NES: variants seen among roughly 807,000 people sequenced by gnomAD.
The protein encoded by NES is nestin.
A neutral mutation model predicts 35.6 loss-of-function variants in NES; 27 were observed. The observed-to-expected ratio is 0.76, with a 90% CI of 0.56 to 1.04. The LOEUF is 1.04. Ranked by LOEUF, NES falls within the 50% of genes least tolerant of loss-of-function variation. NES has a pLI of 0.00. For synonymous variants in NES, 822 were observed against 824.2 expected, an observed-to-expected ratio of 1.00 and a Z score of 0.04; for missense variants, 1,867 against 1,983.6, an observed-to-expected ratio of 0.94 and a Z score of 1.12.
rs1255707363 is a variant in NES at position 156,670,228 on chromosome 1, C to T, written c.3960G>A (p.Arg1320=). ...TTCCAGTCTCCCCTTGAGGGGGTGG[C>T]CTCTGCTCTCCAGTGGGGTCCCACC... is the stretch of plus-strand genomic sequence containing the variant. The part of the protein sequence containing the change: ...SPRWDPTGEQ[R]PPPQGETGKE... Residue 1320 remains arginine (R), a synonymous_variant, in exon 4 of 4, where the codon AGG becomes AGA. Transcript: ENST00000368223. 1 of 1,613,806 alleles carries T rather than the reference C, an allele frequency of 6.2e-7. No individual in the cohort carries two copies. The highest frequency in any genetic ancestry group is 8.5e-7 in the Non-Finnish European group (1 of 1,179,846).
rs1440030345 is a variant in NES at position 156,676,564 on chromosome 1, C to T, written c.701G>A (p.Gly234Asp). Residue 234 changes from glycine to aspartate, a missense_variant, in exon 1 of 4, where the codon GGC becomes GAC. Coordinates refer to ENST00000368223, the MANE Select transcript of NES (RefSeq NM_006617.2). The surrounding 1 kb of genome is among the most constrained non-coding windows in gnomAD (Gnocchi z 5.3). ...ELQQLQAERG[G>D]LLERRAALEQ... Reference sequence around the variant, plus strand: ...CAACGCTGCCCTGCGCTCCAGGAGGCCTCCGCGCTCAGCCTGGAGCTGCTG... The same window carrying T: ...CAACGCTGCCCTGCGCTCCAGGAGGTCTCCGCGCTCAGCCTGGAGCTGCTG... 1 of 1,591,054 alleles carries T rather than the reference C, an allele frequency of 6.3e-7. No individual in the cohort carries two copies. Among genetic ancestry groups the T allele is most frequent in the Admixed American group, 1.7e-5 (1 of 59,312 alleles).
chr1:156,676,793 C>G lies in NES; in HGVS notation c.472G>C (p.Ala158Pro). Reference protein sequence around the residue: ...RVGLNAQAACAPRCPAPPRGP... With the variant: ...RVGLNAQAACPPRCPAPPRGP... Reference sequence around the variant, plus strand: ...CGGGGCGGCGCGGGGCAGCGGGGGGCACAGGCAGCCTGCGCGTTCAGGCCG... The same window carrying G: ...CGGGGCGGCGCGGGGCAGCGGGGGGGACAGGCAGCCTGCGCGTTCAGGCCG... The change falls in exon 1 of 4, where the codon GCC becomes CCC. Residue 158 changes from alanine (A) to proline (P), a missense_variant. Physicochemically the swap from Ala to Pro is conservative, Grantham distance 27. Coordinates refer to ENST00000368223, the MANE Select transcript of NES (RefSeq NM_006617.2). The surrounding 1 kb of genome is among the most constrained non-coding windows in gnomAD (Gnocchi z 5.3). The G allele has an allele frequency of 7.1e-7, 1 of 1,401,148 alleles. No homozygotes were observed. The highest frequency in any genetic ancestry group is 9.2e-7 in the Non-Finnish European group (1 of 1,089,974). The allele number at this position is 1,401,148 out of a possible 1,614,324, so 86.8% of individuals were successfully genotyped here. A position where few individuals can be genotyped will look rare whatever the true frequency, so the allele number is the denominator to read the frequency against.
At chr1:156,675,426 G>A in intron 1 of NES, 86 bp from the exon 2 acceptor site, 1 of 1,461,254 alleles carries the variant, frequency 6.8e-7, no homozygotes, top group Non-Finnish European at 9.2e-7. Context: ...CCGCTGCCCG[G>A]GAAGCACCTC....
In NES at chr1:156,675,425, G is replaced by T. The variant is rs978163735; in HGVS notation, c.784-85C>A. 4 of 1,460,554 alleles carry T rather than the reference G, an allele frequency of 2.7e-6. No homozygotes were observed. The Admixed American group carries it at 8.4e-5, about 31-fold the overall frequency. The allele number at this position is 1,460,554 out of a possible 1,614,324, so 90.5% of individuals were successfully genotyped here. ...TGCCTCCTGCCCGCTGCCGCTGCCC[G>T]GGAAGCACCTCCTGCTCCCTGGCTG... is the stretch of plus-strand genomic sequence containing the variant. On this transcript the variant is annotated intron_variant, in intron 1 of 3. Transcript: ENST00000368223.
Position 156,670,951 on chromosome 1 carries a change from G to A in NES, c.3237C>T (p.Ser1079=). The change falls in exon 4 of 4, where the codon TCC becomes TCT. Residue 1079 remains serine (S), a synonymous_variant. Transcript: ENST00000368223. Reference sequence around the variant, plus strand: ...GCTCTGACCCCAACATGACCTCTGGGGAGGCTTGGTCACCCCCTGGGGCCA... The same window carrying A: ...GCTCTGACCCCAACATGACCTCTGGAGAGGCTTGGTCACCCCCTGGGGCCA... ...DDVAPGGDQA[S]PEVMLGSEPA... is the part of the protein sequence containing the mutation. 6.2e-7 allele frequency: 1 copy of A among 1,612,600 alleles called. No homozygotes were observed.
At position 156,677,370 on chromosome 1, in the gene NES, T is replaced by G. The variant is rs181430728; in HGVS notation, c.-106A>C. The G allele has an allele frequency of 2.3e-4, 57 of 248,248 alleles. No homozygotes were observed. Among genetic ancestry groups the G allele is most frequent in the Middle Eastern group, 1.1e-3 (1 of 906 alleles). 15.4% of individuals were successfully genotyped at this position (248,248 alleles called of 1,614,324 possible). A position where few individuals can be genotyped will look rare whatever the true frequency, so the allele number is the denominator to read the frequency against. ...AGAGAAAAGAGACCGACGGGGACAA[T>G]GACGGGGCGGGGCGGGGTGGGAGTA... On this transcript the variant is annotated 5_prime_UTR_variant, in exon 1 of 4. Coordinates refer to ENST00000368223, the MANE Select transcript of NES (RefSeq NM_006617.2). This position sits in a 1 kb window ranked among gnomAD's most constrained non-coding sequence, Gnocchi z 4.5.
At position 156,676,983 on chromosome 1, in the gene NES, T is replaced by G; in HGVS notation, c.282A>C (p.Arg94=). ...CCCGGGCCAGCCGCAGCTGCTGGCA[T>G]CGGCCTGCCACGCCCTCCAGCTCTT... is the stretch of plus-strand genomic sequence containing the variant. ...LAEELEGVAG[R]CQQLRLARER... Residue 94 remains arginine, a synonymous_variant, in exon 1 of 4, where the codon CGA becomes CGC. Coordinates refer to ENST00000368223, the MANE Select transcript of NES (RefSeq NM_006617.2). The surrounding 1 kb of genome is among the most constrained non-coding windows in gnomAD (Gnocchi z 5.3). The G allele has an allele frequency of 6.4e-7, 1 of 1,567,640 alleles. No individual in the cohort carries two copies. Among genetic ancestry groups the G allele is most frequent in the Non-Finnish European group, 8.6e-7 (1 of 1,164,508 alleles).
chr1:156,675,748 G>A lies in NES; in HGVS notation c.784-408C>T, dbSNP rs1647263769. 3.3e-5 allele frequency among the ~76,000 whole-genome samples: 5 copies of A among 152,226 alleles called. No homozygotes were observed. In the South Asian group the frequency reaches 1.0e-3, roughly 32 times the overall value. ...AAGATGCCTGGAGCCTGCAGGACTG[G>A]AAGGCAAACAGCCCCCGTCCCCCGT... On this transcript the variant is annotated intron_variant, in intron 1 of 3. Coordinates refer to ENST00000368223, the MANE Select transcript of NES (RefSeq NM_006617.2).
rs1415973052 is a variant in NES, at chr1:156,677,267, T to A, written c.-3A>T. The A allele has an allele frequency of 1.2e-6, 2 of 1,609,336 alleles. No homozygotes were observed. The highest frequency in any genetic ancestry group is 1.1e-5 in the South Asian group (1 of 90,492). On this transcript the variant is annotated 5_prime_UTR_variant, in exon 1 of 4. Transcript: ENST00000368223. The surrounding 1 kb of genome is among the most constrained non-coding windows in gnomAD (Gnocchi z 4.5). ...TCCTCCCCCATGCAGCCCTCCATCCTGCTCGTCTGACCCACTGAGGATGGA... is the reference window on the plus strand; with the variant it reads ...TCCTCCCCCATGCAGCCCTCCATCCAGCTCGTCTGACCCACTGAGGATGGA...
At position 156,669,182 on chromosome 1, in the gene NES, C is replaced by T. The variant is rs1006859420; in HGVS notation, c.*140G>A. On this transcript the variant is annotated 3_prime_UTR_variant, in exon 4 of 4. Transcript: ENST00000368223. Reference sequence around the variant, plus strand: ...TTTGCCACACCCCTTTTCACCTTAGCGGGCCAGGCCTCTCAGCCAGAAACC... The same window carrying T: ...TTTGCCACACCCCTTTTCACCTTAGTGGGCCAGGCCTCTCAGCCAGAAACC... 3.9e-5 allele frequency: 22 copies of T among 560,660 alleles called. No homozygotes were observed. The highest frequency in any genetic ancestry group is 6.7e-5 in the Admixed American group (2 of 29,958). 34.7% of individuals were successfully genotyped at this position (560,660 alleles called of 1,614,324 possible).
Position 156,676,364 on chromosome 1 carries a change from G to A in NES, c.783+118C>T. On this transcript the variant is annotated intron_variant, in intron 1 of 3. Coordinates refer to ENST00000368223, the MANE Select transcript of NES (RefSeq NM_006617.2). The surrounding 1 kb of genome is among the most constrained non-coding windows in gnomAD (Gnocchi z 5.3). ...TTGTGGCACCAGGTTTCTGAGAACTGGCTCCTGATTCAGCAGCCAGCTAGC... is the reference window on the plus strand; with the variant it reads ...TTGTGGCACCAGGTTTCTGAGAACTAGCTCCTGATTCAGCAGCCAGCTAGC... 1.0e-6 allele frequency: 1 copy of A among 990,404 alleles called. No individual in the cohort carries two copies. The highest frequency in any genetic ancestry group is 1.5e-6 in the Non-Finnish European group (1 of 677,658). The allele number at this position is 990,404 out of a possible 1,614,324, so 61.4% of individuals were successfully genotyped here. A position where few individuals can be genotyped will look rare whatever the true frequency, so the allele number is the denominator to read the frequency against.
In NES at chr1:156,670,151, G is replaced by C. The variant is rs747746686; in HGVS notation, c.4037C>G (p.Pro1346Arg). 3.7e-6 allele frequency: 6 copies of C among 1,614,028 alleles called. No homozygotes were observed. Reference protein sequence around the residue: ...VLASEGLEAPPSEKEEGEEGE... With the variant: ...VLASEGLEAPRSEKEEGEEGE... ...CTCCTCCCCCTCCTCCTTTTCTGAG[G>C]GTGGGGCCTCAAGGCCCTCGGAAGC... Residue 1346 changes from proline (P) to arginine (R), a missense_variant, in exon 4 of 4, where the codon CCC becomes CGC. Coordinates refer to ENST00000368223, the MANE Select transcript of NES (RefSeq NM_006617.2).
chr1:156,676,604 C>T lies in NES; in HGVS notation c.661G>A (p.Gly221Ser). The change falls in exon 1 of 4, where the codon GGC (glycine) becomes AGC (serine). Residue 221 changes from glycine to serine, a missense_variant. Gly to Ser is a moderately conservative substitution (Grantham distance 56). Transcript: ENST00000368223. The surrounding 1 kb of genome is among the most constrained non-coding windows in gnomAD (Gnocchi z 5.3). The stretch of plus-strand genomic sequence containing the variant: ...TGGAGCTGCTGCAGCTCCAGGCGGC[C>T]CTCGCGGGCACCCTGCACCGCCCGG... The part of the protein sequence containing the change: ...LGRAVQGARE[G>S]RLELQQLQAE... 6.4e-7 allele frequency: 1 copy of T among 1,570,608 alleles called. No homozygotes were observed. Among genetic ancestry groups the T allele is most frequent in the African/African-American group, 1.4e-5 (1 of 73,826 alleles).
chr1:156,672,675 C>G lies in NES; in HGVS notation c.1513G>C (p.Val505Leu), dbSNP rs1463343875. 6.2e-7 allele frequency: 1 copy of G among 1,613,872 alleles called. No homozygotes were observed. The highest frequency in any genetic ancestry group is 1.3e-5 in the African/African-American group (1 of 75,070). Residue 505 changes from valine (V) to leucine (L), a missense_variant, in exon 4 of 4, where the codon GTA (valine) becomes CTA (leucine). Val to Leu is a conservative substitution (Grantham distance 32, BLOSUM62 1). Coordinates refer to ENST00000368223, the MANE Select transcript of NES (RefSeq NM_006617.2). ...GEGEGQIWGL[V>L]EKETAIEGKV... Reference sequence around the variant, plus strand: ...CCCTCTATGGCTGTTTCTTTCTCTACCAACCCCCAGATTTGCCCTTCACCT... The same window carrying G: ...CCCTCTATGGCTGTTTCTTTCTCTAGCAACCCCCAGATTTGCCCTTCACCT...
chr1:156,671,888 C>T lies in NES; in HGVS notation c.2300G>A (p.Arg767Lys), dbSNP rs1425820022. Residue 767 changes from arginine to lysine, a missense_variant, in exon 4 of 4, where the codon AGG (arginine) becomes AAG (lysine). Coordinates refer to ENST00000368223, the MANE Select transcript of NES (RefSeq NM_006617.2). ...TLEKETQQRR[R>K]SLGEQDQMTL... is the part of the protein sequence containing the mutation. ...CATCTGATCCTGTTCCCCTAGAGAC[C>T]TCCGTCGCTGTTGAGTCTCTTTTTC... 2 of 1,614,064 alleles carry T rather than the reference C, an allele frequency of 1.2e-6. No homozygotes were observed. The highest frequency in any genetic ancestry group is 1.7e-5 in the Admixed American group (1 of 60,008).
At chr1:156,675,456 T>A in intron 1 of NES, 116 bp from the exon 2 acceptor site, 2 of 1,273,566 alleles carry the variant, frequency 1.6e-6, no homozygotes, top group Non-Finnish European at 2.1e-6. Flanking sequence ...GGCTGACTTA[T>A]CTGTGTAGCA....
rs1176321829 is a variant in NES, at chr1:156,676,754, G to A, written c.511C>T (p.Pro171Ser). Residue 171 changes from proline (P) to serine (S), a missense_variant, in exon 1 of 4, where the codon CCG (proline) becomes TCG (serine). Physicochemically the swap from Pro to Ser is moderately conservative, Grantham distance 74 (BLOSUM62 -1). Coordinates refer to ENST00000368223, the MANE Select transcript of NES (RefSeq NM_006617.2). The surrounding 1 kb of genome is among the most constrained non-coding windows in gnomAD (Gnocchi z 5.3). ...CPAPPRGPPA[P>S]APEVEELARR... Reference sequence around the variant, plus strand: ...GCCAGCTCCTCTACCTCCGGGGCCGGCGCGGGAGGCCCGCGGGGCGGCGCG... The same window carrying A: ...GCCAGCTCCTCTACCTCCGGGGCCGACGCGGGAGGCCCGCGGGGCGGCGCG... 4 of 1,357,254 alleles carry A rather than the reference G, an allele frequency of 2.9e-6. No homozygotes were observed. Among genetic ancestry groups the A allele is most frequent in the Non-Finnish European group, 3.8e-6 (4 of 1,064,204 alleles). The allele number at this position is 1,357,254 out of a possible 1,614,324, so 84.1% of individuals were successfully genotyped here.
At position 156,672,328 on chromosome 1, in the gene NES, C is replaced by T. The variant is rs1332312674; in HGVS notation, c.1860G>A (p.Glu620=). The change falls in exon 4 of 4, where the codon GAG becomes GAA. Residue 620 remains glutamate, a synonymous_variant. Coordinates refer to ENST00000368223, the MANE Select transcript of NES (RefSeq NM_006617.2). ...GCAGGGATTGCAATGTCTGTGTGTC[C>T]TCTTTTCCTGTAGGCTTAAGTTGGC... The part of the protein sequence containing the change: ...AVGQLKPTGK[E]DTQTLQSLQK... The T allele has an allele frequency of 6.2e-7, 1 of 1,611,796 alleles. No individual in the cohort carries two copies. Among genetic ancestry groups the T allele is most frequent in the South Asian group, 1.1e-5 (1 of 90,776 alleles).
At position 156,677,217 on chromosome 1, in the gene NES, A is replaced by G. The variant is rs748522479; in HGVS notation, c.48T>C (p.Asn16=). ...GGGCCAGGTAGGCCTCCAGGCGCCG[A>G]TTGAGCTCCCACATCTGAAACGACT... ...GEESFQMWEL[N]RRLEAYLARV... is the part of the protein sequence containing the mutation. The change falls in exon 1 of 4, where the codon AAT becomes AAC. Residue 16 remains asparagine (N), a synonymous_variant. Coordinates refer to ENST00000368223, the MANE Select transcript of NES (RefSeq NM_006617.2). The surrounding 1 kb of genome is among the most constrained non-coding windows in gnomAD (Gnocchi z 4.5). 6.2e-7 allele frequency: 1 copy of G among 1,600,766 alleles called. No individual in the cohort carries two copies. Among genetic ancestry groups the G allele is most frequent in the Non-Finnish European group, 8.5e-7 (1 of 1,171,910 alleles).
Sources: allele counts gnomAD v4.1 joint callset (sites outside exome capture counted in the v4.1 genomes callset), GRCh38; gene constraint gnomAD v4.1.1; non-coding constraint Gnocchi (gnomAD v3.1); transcripts MANE v1.5; gene names NCBI Gene and HGNC (gene_info 2026-07-23, HGNC 2026-07-21).